Variants in MYO1H observed in about 807,000 individuals in gnomAD.
MYO1H encodes the protein myosin IH.
MYO1H carries 118 observed loss-of-function variants against 149.3 expected under a neutral mutation model. The ratio of observed to expected loss-of-function variants is 0.79; its 90% confidence interval spans 0.68 to 0.92. MYO1H has a LOEUF of 0.92. Ranked by LOEUF, MYO1H falls within the 40% of genes least tolerant of loss-of-function variation. The pLI is 0.00. For missense variants in MYO1H, 1,212 were observed against 1,280.7 expected (o/e 0.95, Z 0.82); for synonymous variants, 447 against 465.2 (o/e 0.96, Z 0.50).
chr12:109,433,006 G>C, exon 20 of MYO1H: 1 of 1,613,636 alleles, frequency 6.2e-7, no homozygotes, highest in South Asian at 1.1e-5. Context: ...ATACAAGTTA[G>C]GCAAGTAAGT....
the MYO1H span, among the ~76,000 whole-genome samples, chr12:109,341,871 T>C: frequency 5.3e-5 from 8 of 152,174 alleles, no homozygotes; most frequent in African/African-American, 1.9e-4. Flanking sequence ...GCTGGCTTCC[T>C]GGACTGGTTA....
exon 32 of MYO1H, chr12:109,447,358 C>T (rs1006273846): frequency 3.1e-6 from 2 of 655,412 alleles, no homozygotes; most frequent in South Asian, 1.7e-5. Flanking sequence ...CCCAGCTCCT[C>T]AGCTGCCCCA....
rs376142108 is a variant in MYO1H, at chr12:109,439,807, G to T, written c.2454+17G>T. 1.9e-6 allele frequency: 3 copies of T among 1,610,660 alleles called. No individual in the cohort carries two copies. Among genetic ancestry groups the T allele is most frequent in the African/African-American group, 2.7e-5 (2 of 74,882 alleles). ...TTGGAAAATGTAAGGACTAATCTGG[G>T]ATTTCCAGTGTTGTAAGTAGCACGG... On this transcript the variant is annotated intron_variant, in intron 24 of 31. Transcript: ENST00000310903.
chr12:109,387,333 A>C (rs888826649), intron 1 of MYO1H, among the ~76,000 whole-genome samples: 1 of 152,180 alleles, frequency 6.6e-6, no homozygotes, highest in Non-Finnish European at 1.5e-5. Context: ...CTGAAAATCA[A>C]TTGAGACGCA....
At chr12:109,363,442 G>A (rs769019417) in intron 1 of MYO1H, among the ~76,000 whole-genome samples, 4 of 152,146 alleles carry the variant, frequency 2.6e-5, no homozygotes, top group African/African-American at 7.2e-5. Flanking sequence ...GGCCGGGCGC[G>A]GTGGCTCACG....
chr12:109,335,318 G>C, the MYO1H span, among the ~76,000 whole-genome samples: 1 of 151,538 alleles, frequency 6.6e-6, no homozygotes, highest in Non-Finnish European at 1.5e-5. Flanking sequence ...GAGCAGGTGT[G>C]GGGGGGTGCC....
the MYO1H span, among the ~76,000 whole-genome samples, chr12:109,317,241 G>GA: frequency 1.8e-4 from 28 of 152,312 alleles, no homozygotes; most frequent in Non-Finnish European, 3.5e-4. Context: ...GCACAATCTT[G>GA]AATGCAGATC....
At chr12:109,342,126 C>CTTT in the MYO1H span, among the ~76,000 whole-genome samples, 15,925 of 125,876 alleles carry the variant, frequency 0.13, 1,726 homozygotes, top group African/African-American at 0.2. Flanking sequence ...AAATTTGATT[C>CTTT]TTTTTTTTTT....
intron 20 of MYO1H, among the ~76,000 whole-genome samples, chr12:109,433,904 T>C (rs1871745232): frequency 1.3e-5 from 2 of 152,218 alleles, no homozygotes; most frequent in Admixed American, 6.5e-5. Context: ...CACCACCCAC[T>C]GCTGTCCCCA....
the MYO1H span, among the ~76,000 whole-genome samples, chr12:109,311,413 C>T: frequency 1.3e-5 from 2 of 152,218 alleles, no homozygotes; most frequent in Non-Finnish European, 2.9e-5. Flanking sequence ...CTACAAAACC[C>T]AGGGAACTTA....
intron 5 of MYO1H, among the ~76,000 whole-genome samples, chr12:109,399,585 C>CTTT (rs889179593): frequency 3.6e-5 from 4 of 110,332 alleles, no homozygotes; most frequent in African/African-American, 1.5e-4. Flanking sequence ...GAGTGAGACT[C>CTTT]TGTCTCAAAA....
chr12:109,354,630 A>AAAAAAAAAAAG (rs796354256), intron 1 of MYO1H, among the ~76,000 whole-genome samples: 63 of 134,040 alleles, frequency 4.7e-4, no homozygotes, highest in Admixed American at 1.9e-3. Flanking sequence ...AAAAAAAAAA[A>AAAAAAAAAAAG]AAAAGAAAAG....
chr12:109,313,778 T>C, the MYO1H span, among the ~76,000 whole-genome samples: 1 of 152,264 alleles, frequency 6.6e-6, no homozygotes, highest in African/African-American at 2.4e-5. Context: ...AGAGCATTTT[T>C]TTTTTAATTC....
chr12:109,419,076 C>T (rs977201456), intron 15 of MYO1H, among the ~76,000 whole-genome samples: 1 of 152,148 alleles, frequency 6.6e-6, no homozygotes, highest in Non-Finnish European at 1.5e-5. Flanking sequence ...AAGGAAAACT[C>T]AAATGCCTTT....
chr12:109,418,193 C>A (rs1035741406), intron 15 of MYO1H, among the ~76,000 whole-genome samples: 1 of 151,672 alleles, frequency 6.6e-6, no homozygotes, highest in Non-Finnish European at 1.5e-5. Context: ...ATCAGATATA[C>A]AATTTGCAAA....
chr12:109,437,104 C>CA (rs1156474126), intron 22 of MYO1H, among the ~76,000 whole-genome samples: 3 of 151,304 alleles, frequency 2.0e-5, no homozygotes, highest in African/African-American at 4.9e-5. Flanking sequence ...GACCCTGTCT[C>CA]AAAAAAAATA....
At chr12:109,345,825 G>T (rs1042291363), upstream of MYO1H, among the ~76,000 whole-genome samples, 1 of 152,192 alleles carries the variant, frequency 6.6e-6, no homozygotes, top group Non-Finnish European at 1.5e-5. Flanking sequence ...AAGACACAAT[G>T]CTAAGTGAAA....
intron 1 of MYO1H, among the ~76,000 whole-genome samples, chr12:109,385,657 A>AAT (rs1351776090): frequency 6.6e-6 from 1 of 152,218 alleles, no homozygotes; most frequent in Non-Finnish European, 1.5e-5. Flanking sequence ...GCTAGTGATT[A>AAT]AGGCTCTTCT....
At chr12:109,370,421 T>A (rs1868957137) in intron 1 of MYO1H, among the ~76,000 whole-genome samples, 1 of 152,222 alleles carries the variant, frequency 6.6e-6, no homozygotes, top group African/African-American at 2.4e-5. Context: ...AGCAGTGGGA[T>A]GAGGCTGAAA....
Sources: gnomAD v4.1 joint callset for allele counts (sites outside exome capture counted in the v4.1 genomes callset) on GRCh38, gnomAD v4.1.1 for gene constraint, MANE v1.5 for transcripts, NCBI Gene and HGNC (gene_info 2026-07-23, HGNC 2026-07-21) for gene names.